SLC4A4: variants seen among roughly 807,000 people sequenced by gnomAD.
SLC4A4 encodes the protein electrogenic sodium bicarbonate cotransporter 1.
SLC4A4 carries 27 observed loss-of-function variants against 111.5 expected under a neutral mutation model. That is an observed-to-expected ratio of 0.24 (90% confidence interval 0.18 to 0.33). The LOEUF (loss-of-function observed/expected upper bound fraction) is 0.33, where lower values mean the gene tolerates loss of function less well. Ranked by LOEUF, SLC4A4 falls within the 10% of genes least tolerant of loss-of-function variation. SLC4A4 has a pLI of 1.00. For synonymous variants in SLC4A4, 443 were observed against 463.4 expected (o/e 0.96, Z 0.57); for missense variants, 909 against 1,315.5 (o/e 0.69, Z 4.78).
intron 1 of SLC4A4, among the ~76,000 whole-genome samples, chr4:71,207,832 A>G (rs1717861110): frequency 6.6e-6 from 1 of 151,954 alleles, no homozygotes. Flanking sequence ...TTCTTCGGGG[A>G]GACAGGGGCT....
At chr4:71,106,179 C>A (rs1291682170) in intron 2 of SLC4A4, among the ~76,000 whole-genome samples, 3 of 151,690 alleles carry the variant, frequency 2.0e-5, no homozygotes, top group Admixed American at 6.6e-5. Flanking sequence ...AAAATGCTAA[C>A]CATCACTGGC....
chr4:71,089,952 GA>G, intron 1 of SLC4A4, among the ~76,000 whole-genome samples: 1 of 112,104 alleles, frequency 8.9e-6, no homozygotes, highest in Non-Finnish European at 2.1e-5. Flanking sequence ...AGTCTGCAGA[GA>G]ATTCTGTTGC....
chr4:71,325,956 C>G (rs575132163), intron 3 of SLC4A4, among the ~76,000 whole-genome samples: 1 of 151,728 alleles, frequency 6.6e-6, no homozygotes, highest in East Asian at 1.9e-4. Context: ...ATTCTCATTT[C>G]TTTTATTTAT....
chr4:71,248,475 A>G (rs1460046135), intron 2 of SLC4A4, among the ~76,000 whole-genome samples: 4 of 151,426 alleles, frequency 2.6e-5, no homozygotes, highest in African/African-American at 4.8e-5. Flanking sequence ...TACATTTTGT[A>G]TCTATAGATA....
chr4:71,174,923 G>C (rs1223013497), intron 2 of SLC4A4, among the ~76,000 whole-genome samples: 1 of 152,130 alleles, frequency 6.6e-6, no homozygotes, highest in Non-Finnish European at 1.5e-5. Flanking sequence ...ACACTGATTT[G>C]AATGGAGCCC....
chr4:71,189,215 C>T (rs140844769), intron 1 of SLC4A4, among the ~76,000 whole-genome samples: 21 of 152,210 alleles, frequency 1.4e-4, no homozygotes, highest in African/African-American at 5.1e-4. Context: ...GGTTTTGGTG[C>T]CATTTGCTCT....
intron 3 of SLC4A4, among the ~76,000 whole-genome samples, chr4:71,318,257 A>G (rs909896691): frequency 3.3e-5 from 5 of 152,042 alleles, no homozygotes; most frequent in Non-Finnish European, 7.4e-5. Flanking sequence ...TTCAAGATAG[A>G]GGAGAAACTG....
At chr4:71,542,294 A>T (rs1277169302) in intron 18 of SLC4A4, among the ~76,000 whole-genome samples, 17 of 152,056 alleles carry the variant, frequency 1.1e-4, no homozygotes, top group Admixed American at 1.1e-3. Context: ...TTTAAACTGC[A>T]TCTTCTCAAA....
Position 71,372,878 on chromosome 4 carries a change from G to T in SLC4A4, c.730+15691G>T, listed in dbSNP as rs373162180. ...TTTTTTATTTAATGAAACCACAGTG[G>T]TATAACTGTAGATTCTTGTTTCATC... On this transcript the variant is annotated intron_variant, in intron 6 of 25. Transcript: ENST00000264485. 9.9e-5 allele frequency among the ~76,000 whole-genome samples: 15 copies of T among 151,804 alleles called. No individual in the cohort carries two copies. In the East Asian group the frequency reaches 1.2e-3, roughly 12 times the overall value.
intron 2 of SLC4A4, among the ~76,000 whole-genome samples, chr4:71,176,998 G>C (rs1578553724): frequency 1.3e-5 from 2 of 152,206 alleles, no homozygotes; most frequent in East Asian, 3.8e-4. Flanking sequence ...AACTCTACAA[G>C]CCAGAAGAGA....
upstream of SLC4A4, among the ~76,000 whole-genome samples, chr4:71,185,290 A>C (rs1745415024): frequency 6.6e-6 from 1 of 152,236 alleles, no homozygotes; most frequent in South Asian, 2.1e-4. Flanking sequence ...AGCAATGGCA[A>C]ATTTTTAATA....
chr4:71,481,372 G>A (rs970652310), intron 14 of SLC4A4, among the ~76,000 whole-genome samples: 2 of 151,628 alleles, frequency 1.3e-5, no homozygotes, highest in African/African-American at 4.8e-5. Context: ...TAAAGCAGAG[G>A]AGCCATGGGG....
intron 15 of SLC4A4, among the ~76,000 whole-genome samples, chr4:71,496,920 T>C (rs1730464528): frequency 6.6e-6 from 1 of 152,140 alleles, no homozygotes; most frequent in African/African-American, 2.4e-5. Flanking sequence ...TATACTTTAT[T>C]AGAATATGCA....
intron 3 of SLC4A4, among the ~76,000 whole-genome samples, chr4:71,283,013 TG>T (rs776548716): frequency 8.5e-5 from 13 of 152,234 alleles, no homozygotes; most frequent in Admixed American, 2.0e-4. Context: ...TGAATAGACT[TG>T]GTTAGTAAAT....
chr4:71,368,463 CAG>C (rs1367678187), intron 6 of SLC4A4, among the ~76,000 whole-genome samples: 2 of 145,136 alleles, frequency 1.4e-5, no homozygotes, highest in African/African-American at 2.4e-5. Flanking sequence ...GGCTGAAAAA[CAG>C]AGGAAATTGA....
At chr4:71,197,730 A>C (rs1746071838) in intron 1 of SLC4A4, among the ~76,000 whole-genome samples, 1 of 152,162 alleles carries the variant, frequency 6.6e-6, no homozygotes, top group South Asian at 2.1e-4. Flanking sequence ...TATAATAATA[A>C]AAAAAAGATT....
At chr4:71,515,133 A>G (rs974214579) in intron 16 of SLC4A4, among the ~76,000 whole-genome samples, 1 of 151,840 alleles carries the variant, frequency 6.6e-6, no homozygotes, top group Non-Finnish European at 1.5e-5. Context: ...TTCCTTCTTC[A>G]TACTGTTTTG....
At chr4:71,332,863 T>A (rs970906822) in intron 3 of SLC4A4, among the ~76,000 whole-genome samples, 1 of 152,100 alleles carries the variant, frequency 6.6e-6, no homozygotes. Context: ...ACTTGATTTT[T>A]AAAAATTATT....
At chr4:71,504,539 C>T (rs1731215783) in intron 16 of SLC4A4, among the ~76,000 whole-genome samples, 1 of 151,230 alleles carries the variant, frequency 6.6e-6, no homozygotes. Context: ...TCTGATTTCA[C>T]TGAATTGTTT....
Sources: gnomAD v4.1 joint callset for allele counts (sites outside exome capture counted in the v4.1 genomes callset) on GRCh38, gnomAD v4.1.1 for gene constraint, MANE v1.5 for transcripts, NCBI Gene and HGNC (gene_info 2026-07-23, HGNC 2026-07-21) for gene names.